The following DOCK5 variants were observed in gnomAD, a reference collection of about 807,000 sequenced individuals.
DOCK5 encodes the protein dedicator of cytokinesis protein 5.
DOCK5 carries 142 observed loss-of-function variants against 251.8 expected under a neutral mutation model. That is an observed-to-expected ratio of 0.56 (90% CI 0.49 to 0.65). The LOEUF is 0.65. Among genes scored for constraint, DOCK5 ranks in the 30% least tolerant of loss-of-function variants. DOCK5 has a pLI of 0.00. For synonymous variants in DOCK5, 842 were observed against 835.5 expected (o/e 1.01, Z -0.13); for missense variants, 2,111 against 2,312.3 (o/e 0.91, Z 1.79).
At chr8:25,227,675 T>G (rs1802564910) in intron 1 of DOCK5, among the ~76,000 whole-genome samples, 1 of 152,232 alleles carries the variant, frequency 6.6e-6, no homozygotes, top group Admixed American at 6.5e-5. Flanking sequence ...AAAGTCCAAG[T>G]GAGGTTCTAA....
intron 20 of DOCK5, among the ~76,000 whole-genome samples, chr8:25,333,008 T>G (rs557198133): frequency 5.9e-5 from 9 of 152,354 alleles, no homozygotes; most frequent in African/African-American, 1.9e-4. Flanking sequence ...TTGTTACATG[T>G]TGGATTTGTG....
At chr8:25,325,901 A>T (rs1805552804) in intron 18 of DOCK5, among the ~76,000 whole-genome samples, 1 of 152,194 alleles carries the variant, frequency 6.6e-6, no homozygotes, top group Non-Finnish European at 1.5e-5. Flanking sequence ...TGGTAGTAAG[A>T]GGAGGAGCTT....
intron 41 of DOCK5, 127 bp downstream of exon 41, chr8:25,389,359 C>G (rs1586387633): frequency 3.2e-6 from 4 of 1,258,218 alleles, no homozygotes; most frequent in Admixed American, 2.5e-5. Flanking sequence ...CATTCTGACA[C>G]AGGTTCCCAT....
At chr8:25,348,057 C>G (rs200958477) in intron 26 of DOCK5, among the ~76,000 whole-genome samples, 1 of 152,158 alleles carries the variant, frequency 6.6e-6, no homozygotes, top group East Asian at 1.9e-4. Flanking sequence ...TAAGTCCAAT[C>G]GTTTTTTGTC....
rs945517832 is a variant in DOCK5, at chr8:25,217,475, C to T, written c.44-26199C>T. 4.6e-5 allele frequency among the ~76,000 whole-genome samples: 7 copies of T among 152,078 alleles called. No individual in the cohort carries two copies. The South Asian group carries it at 1.2e-3, about 27-fold the overall frequency. On this transcript the variant is annotated intron_variant, in intron 1 of 51. Coordinates refer to ENST00000276440, the MANE Select transcript of DOCK5 (RefSeq NM_024940.8). Reference sequence around the variant, plus strand: ...GACTTGCCCTGACCAGTAGCATTCACTTGTTGGAGAGTTTGAGATTCTTCT... The same window carrying T: ...GACTTGCCCTGACCAGTAGCATTCATTTGTTGGAGAGTTTGAGATTCTTCT...
intron 1 of DOCK5, among the ~76,000 whole-genome samples, chr8:25,191,091 T>C (rs1397212417): frequency 6.6e-6 from 1 of 152,158 alleles, no homozygotes; most frequent in Non-Finnish European, 1.5e-5. Flanking sequence ...GAACTTCTCT[T>C]GTGAGGTACC....
intron 2 of DOCK5, among the ~76,000 whole-genome samples, chr8:25,259,337 AGC>A (rs1362879070): frequency 6.6e-6 from 1 of 152,176 alleles, no homozygotes; most frequent in African/African-American, 2.4e-5. Context: ...TAAAGCAATG[AGC>A]TGGCAGGTAG....
At chr8:25,385,094 G>A (rs1398067941) in intron 40 of DOCK5, among the ~76,000 whole-genome samples, 2 of 152,152 alleles carry the variant, frequency 1.3e-5, no homozygotes, top group African/African-American at 2.4e-5. Flanking sequence ...GAAAGGAAGG[G>A]CCAGTGCAGC....
rs1230241049 is a variant in DOCK5, at chr8:25,411,185, C to T, written c.5509-9C>T. On this transcript the variant is annotated splice_polypyrimidine_tract_variant and intron_variant, in intron 51 of 51. Coordinates refer to ENST00000276440, the MANE Select transcript of DOCK5 (RefSeq NM_024940.8). ...ACCTGCTTCTAATTTTGTGTTTCTGCTTCTGCAGCTCGCTCCCCCACTGCC... is the reference window on the plus strand; with the variant it reads ...ACCTGCTTCTAATTTTGTGTTTCTGTTTCTGCAGCTCGCTCCCCCACTGCC... 8.4e-6 allele frequency: 13 copies of T among 1,552,026 alleles called. No individual in the cohort carries two copies. The Admixed American group carries it at 2.6e-4, about 31-fold the overall frequency.
intron 1 of DOCK5, among the ~76,000 whole-genome samples, chr8:25,233,113 C>T (rs1802712410): frequency 6.6e-6 from 1 of 152,122 alleles, no homozygotes; most frequent in Admixed American, 6.6e-5. Flanking sequence ...TCTCCACTCT[C>T]CTGGTCTCAG....
At chr8:25,187,592 TTGCTTATGTTTATGTCACCTCCC>T (rs1801466974) in intron 1 of DOCK5, among the ~76,000 whole-genome samples, 3 of 151,972 alleles carry the variant, frequency 2.0e-5, no homozygotes, top group African/African-American at 7.2e-5. Flanking sequence ...TGTCACCTCC[TTGCTTATGTTTATGTCACCTCCC>T]TGCTTGGAAG....
At chr8:25,206,068 T>C (rs547867917) in intron 1 of DOCK5, among the ~76,000 whole-genome samples, 4 of 152,228 alleles carry the variant, frequency 2.6e-5, no homozygotes, top group African/African-American at 9.6e-5. Flanking sequence ...ATTATTCTAA[T>C]TGAGGGAGTT....
chr8:25,390,332 C>G, intron 42 of DOCK5, 45 bp downstream of exon 42: 1 of 1,437,808 alleles, frequency 7.0e-7, no homozygotes, highest in Non-Finnish European at 9.4e-7. Flanking sequence ...TGTGTCTAGG[C>G]ACAGTGGCTC....
chr8:25,379,849 TACACACAC>T (rs10569921), intron 38 of DOCK5, among the ~76,000 whole-genome samples: 6 of 146,816 alleles, frequency 4.1e-5, no homozygotes, highest in East Asian at 2.0e-4. Flanking sequence ...TCACTACACC[TACACACAC>T]ACACACACAC....
intron 40 of DOCK5, among the ~76,000 whole-genome samples, chr8:25,385,889 A>G (rs996812348): frequency 6.6e-6 from 1 of 152,130 alleles, no homozygotes; most frequent in Non-Finnish European, 1.5e-5. Flanking sequence ...AGAAAATGGC[A>G]TTTTTGCAAA....
chr8:25,397,220 T>TA (rs879776665), intron 45 of DOCK5, among the ~76,000 whole-genome samples: 46 of 140,102 alleles, frequency 3.3e-4, no homozygotes, highest in African/African-American at 4.7e-4. Context: ...ACACTCCGTC[T>TA]AAAAAAAAAA....
rs148134049 is a variant in DOCK5 at position 25,344,599 on chromosome 8, C to T, written c.2618-876C>T. On this transcript the variant is annotated intron_variant, in intron 25 of 51. Transcript: ENST00000276440. The stretch of plus-strand genomic sequence containing the variant: ...TGAGCTAGATCGTATCAGTAGCCTC[C>T]TTGGGCTCTGATATTTTCTGACCCT... Among the ~76,000 whole-genome samples, 193 of 152,302 alleles carry T rather than the reference C, an allele frequency of 1.3e-3. 1 individual carries two copies. Among genetic ancestry groups the T allele is most frequent in the African/African-American group, 4.4e-3 (182 of 41,578 alleles).
intron 1 of DOCK5, among the ~76,000 whole-genome samples, chr8:25,204,963 G>A (rs1563307396): frequency 6.6e-6 from 1 of 152,110 alleles, no homozygotes; most frequent in Non-Finnish European, 1.5e-5. Context: ...TTGGAGATGG[G>A]TCCTGGGAGA....
rs555127335 is a variant in DOCK5, at chr8:25,393,842, CTT to C, written c.4527+963_4527+964del. Among the ~76,000 whole-genome samples, 9 of 152,214 alleles carry C rather than the reference CTT, an allele frequency of 5.9e-5. No homozygotes were observed. In the South Asian group the frequency reaches 1.9e-3, roughly 32 times the overall value. ...CCATGAAATACATACATCTTAATCACTTTTGTATCTGTGGTGCATAGCATGGC... is the reference window on the plus strand; with the variant it reads ...CCATGAAATACATACATCTTAATCACTTGTATCTGTGGTGCATAGCATGGC... On this transcript the variant is annotated intron_variant, in intron 44 of 51. Coordinates refer to ENST00000276440, the MANE Select transcript of DOCK5 (RefSeq NM_024940.8).
Sources: allele counts gnomAD v4.1 joint callset (sites outside exome capture counted in the v4.1 genomes callset), GRCh38; gene constraint gnomAD v4.1.1; transcripts MANE v1.5; gene names NCBI Gene and HGNC (gene_info 2026-07-23, HGNC 2026-07-21).